Variants in OAS1 observed in about 807,000 individuals in gnomAD.
The protein encoded by OAS1 is 2'-5'-oligoadenylate synthase 1.
Under a neutral mutation model 38.5 loss-of-function variants are expected in OAS1, and 24 were observed. The observed-to-expected ratio is 0.62, with a 90% CI of 0.45 to 0.88. OAS1 has a LOEUF of 0.88. Among genes scored for constraint, OAS1 ranks in the 40% least tolerant of loss-of-function variants. The pLI, the probability that OAS1 is intolerant of heterozygous loss-of-function variation, is 0.00. For synonymous variants in OAS1, 169 were observed against 193.9 expected (o/e 0.87, Z 1.07); for missense variants, 482 against 493.9 (o/e 0.98, Z 0.23).
intron 3 of OAS1, among the ~76,000 whole-genome samples, chr12:112,912,561 T>C (rs890363216): frequency 7.9e-5 from 12 of 152,208 alleles, no homozygotes; most frequent in Non-Finnish European, 1.0e-4. Flanking sequence ...TGAATTGTAA[T>C]CATGGAGCCT....
chr12:112,919,302 T>C (rs1415898421), intron 5 of OAS1, 87 bp from the exon 6 acceptor site: 5 of 1,224,890 alleles, frequency 4.1e-6, no homozygotes, highest in Admixed American at 3.9e-5. Flanking sequence ...CCAGATGGCA[T>C]GTCACAGTGT....
downstream of OAS1, among the ~76,000 whole-genome samples, chr12:112,923,565 A>T (rs1014380561): frequency 2.0e-5 from 3 of 152,104 alleles, no homozygotes; most frequent in Non-Finnish European, 4.4e-5. Flanking sequence ...CAAGTTATTA[A>T]TTTTTTTGCT....
chr12:112,919,898 A>C lies in OAS1; in HGVS notation c.*345A>C. The stretch of plus-strand genomic sequence containing the variant: ...ATCAATAACAATAAAAATAAAGCAA[A>C]TACCATTTATTGGGTGTTTATTAAC... On this transcript the variant is annotated 3_prime_UTR_variant, in exon 6 of 6. Transcript: ENST00000202917. 3.0e-6 allele frequency: 2 copies of C among 659,840 alleles called. No homozygotes were observed. The highest frequency in any genetic ancestry group is 4.9e-6 in the Non-Finnish European group (2 of 410,276). 40.9% of individuals were successfully genotyped at this position (659,840 alleles called of 1,614,324 possible). A position where few individuals can be genotyped will look rare whatever the true frequency, so the allele number is the denominator to read the frequency against.
In OAS1 at chr12:112,908,740, C is replaced by T. The variant is rs746773073; in HGVS notation, c.385C>T (p.Pro129Ser). The part of the protein sequence containing the change: ...FEVQAPRWGN[P>S]RALSFVLSSL... ...GGTCCAGGCTCCACGCTGGGGCAAC[C>T]CCCGTGCGCTCAGCTTCGTACTGAG... Residue 129 changes from proline (P) to serine (S), a missense_variant, in exon 2 of 6, where the codon CCC becomes TCC. Coordinates refer to ENST00000202917, the MANE Select transcript of OAS1 (RefSeq NM_016816.4). The T allele has an allele frequency of 2.5e-6, 4 of 1,614,078 alleles. No homozygotes were observed. The highest frequency in any genetic ancestry group is 1.1e-5 in the South Asian group (1 of 91,086).
At chr12:112,921,077 G>A (rs147453362), downstream of OAS1, among the ~76,000 whole-genome samples, 991 of 152,318 alleles carry the variant, frequency 6.5e-3, 7 homozygotes, top group Middle Eastern at 0.014. Flanking sequence ...TCCAGGGGCA[G>A]GGAAAGATGA....
intron 5 of OAS1, 161 bp from the exon 6 acceptor site, chr12:112,919,228 G>A (rs1179622213): frequency 1.5e-6 from 1 of 672,848 alleles, no homozygotes; most frequent in Non-Finnish European, 2.5e-6. Context: ...GCTGACGGCT[G>A]AAGTCTGTCT....
intron 3 of OAS1, 77 bp downstream of exon 3, chr12:112,911,312 A>T: frequency 9.5e-7 from 1 of 1,056,144 alleles, no homozygotes; most frequent in Non-Finnish European, 1.3e-6. Flanking sequence ...GAGAGAAAGA[A>T]GGGAGTGAAG....
intron 4 of OAS1, 76 bp from the exon 5 acceptor site, chr12:112,917,471 C>T: frequency 6.3e-7 from 1 of 1,583,618 alleles, no homozygotes; most frequent in South Asian, 1.1e-5. Context: ...TGCTATTTTG[C>T]TCTCCCAGGA....
downstream of OAS1, among the ~76,000 whole-genome samples, chr12:112,924,670 A>G (rs766198957): frequency 3.3e-5 from 5 of 152,098 alleles, no homozygotes; most frequent in Non-Finnish European, 7.4e-5. Context: ...TCATTTTGCA[A>G]TGGTTGCTTC....
intron 3 of OAS1, among the ~76,000 whole-genome samples, chr12:112,916,246 G>A (rs1209052943): frequency 6.6e-6 from 1 of 152,024 alleles, no homozygotes; most frequent in African/African-American, 2.4e-5. Context: ...CTTAACAAGG[G>A]GCCAGTACAC....
At chr12:112,917,272 A>C (rs2043473965) in intron 4 of OAS1, among the ~76,000 whole-genome samples, 2 of 152,206 alleles carry the variant, frequency 1.3e-5, no homozygotes. Context: ...CCTGAGGCTT[A>C]GAGAGTTCAA....
chr12:112,914,336 CATTG>C (rs1163032475), intron 3 of OAS1, among the ~76,000 whole-genome samples: 1 of 152,128 alleles, frequency 6.6e-6, no homozygotes, highest in African/African-American at 2.4e-5. Flanking sequence ...TTTATCCACT[CATTG>C]ATTGATGGGC....
intron 5 of OAS1, chr12:112,917,946 C>T: frequency 7.1e-7 from 1 of 1,417,894 alleles, no homozygotes; most frequent in South Asian, 1.5e-5. Flanking sequence ...TCTCTAACAC[C>T]ATTTATTGAC....
At chr12:112,926,572 G>T in intron 6 of OAS1, among the ~76,000 whole-genome samples, 1 of 149,996 alleles carries the variant, frequency 6.7e-6, no homozygotes, top group Non-Finnish European at 1.5e-5. Context: ...GGGAGGAAAT[G>T]TACATATAGG....
downstream of OAS1, chr12:112,932,701 A>G (rs1018754419): frequency 9.2e-5 from 14 of 152,266 alleles, no homozygotes; most frequent in African/African-American, 3.1e-4. Context: ...TGCTAAGCCT[A>G]TGAATGCATT....
chr12:112,930,956 T>G (rs2043593310), intron 6 of OAS1, among the ~76,000 whole-genome samples: 1 of 152,222 alleles, frequency 6.6e-6, no homozygotes, highest in Non-Finnish European at 1.5e-5. Context: ...CTGGATATAC[T>G]GGTTTTCAGG....
rs1433622973 is a variant in OAS1 at position 112,932,116 on chromosome 12, T to A, written c.*194T>A. 1.1e-5 allele frequency: 6 copies of A among 566,496 alleles called. No individual in the cohort carries two copies. The East Asian group carries it at 1.8e-4, about 17-fold the overall frequency. 35.1% of individuals were successfully genotyped at this position (566,496 alleles called of 1,614,324 possible). A position where few individuals can be genotyped will look rare whatever the true frequency, so the allele number is the denominator to read the frequency against. The stretch of plus-strand genomic sequence containing the variant: ...TTCCAGCTCTGCTTTCAATGCCCCA[T>A]ATGAATACATGTGAACTCCCTCCCT... On this transcript the variant is annotated 3_prime_UTR_variant, in exon 7 of 7. Coordinates refer to the OAS1 transcript ENST00000540589.
At chr12:112,926,572 G>A (rs1293572887) in intron 6 of OAS1, among the ~76,000 whole-genome samples, 1 of 149,996 alleles carries the variant, frequency 6.7e-6, no homozygotes, top group African/African-American at 2.5e-5. Context: ...GGGAGGAAAT[G>A]TACATATAGG....
At chr12:112,917,478 AG>A in intron 4 of OAS1, 68 bp from the exon 5 acceptor site, 3 of 1,597,110 alleles carry the variant, frequency 1.9e-6, no homozygotes, top group Non-Finnish European at 2.6e-6. Context: ...TTGCTCTCCC[AG>A]GAGCATCTGG....
Sources: gnomAD v4.1 joint callset for allele counts (sites outside exome capture counted in the v4.1 genomes callset) on GRCh38, gnomAD v4.1.1 for gene constraint, MANE v1.5 for transcripts, NCBI Gene and HGNC (gene_info 2026-07-23, HGNC 2026-07-21) for gene names.